Variants in GPC5 observed in about 807,000 individuals in gnomAD.
GPC5 encodes the protein glypican 5, also known as glypican-5.
A neutral mutation model predicts 53.9 loss-of-function variants in GPC5; 47 were observed. The ratio of observed to expected loss-of-function variants is 0.87; its 90% CI spans 0.69 to 1.11. GPC5 has a LOEUF of 1.11. GPC5 is among the 50% of genes most tolerant of loss of function. The pLI is 0.00. For missense variants in GPC5, 748 were observed against 713.1 expected, an observed-to-expected ratio of 1.05 and a Z score of -0.56; for synonymous variants, 286 against 263.3, an observed-to-expected ratio of 1.09 and a Z score of -0.84.
intron 7 of GPC5, among the ~76,000 whole-genome samples, chr13:92,718,370 C>CA (rs1223225842): frequency 6.6e-6 from 1 of 151,980 alleles, no homozygotes; most frequent in African/African-American, 2.4e-5. Flanking sequence ...CATTCAGCCA[C>CA]AAAAAGAATG....
intron 7 of GPC5, among the ~76,000 whole-genome samples, chr13:92,751,212 G>GT (rs780554388): frequency 4.5e-5 from 6 of 134,670 alleles, no homozygotes; most frequent in Non-Finnish European, 7.8e-5. Flanking sequence ...AAAGAAAATT[G>GT]TTTTTTGCCT....
At chr13:91,570,642 G>A (rs1037129759) in intron 2 of GPC5, among the ~76,000 whole-genome samples, 1 of 152,108 alleles carries the variant, frequency 6.6e-6, no homozygotes, top group Non-Finnish European at 1.5e-5. Context: ...AATTCCTTTA[G>A]TTAGTAAATG....
chr13:91,920,475 A>T (rs1286370805), intron 6 of GPC5, among the ~76,000 whole-genome samples: 4 of 152,230 alleles, frequency 2.6e-5, no homozygotes, highest in African/African-American at 9.6e-5. Context: ...GAATGAATTT[A>T]TCAAGTAAGT....
chr13:92,599,754 C>G (rs367692938), intron 7 of GPC5, among the ~76,000 whole-genome samples: 6 of 151,874 alleles, frequency 4.0e-5, no homozygotes, highest in Non-Finnish European at 5.9e-5. Flanking sequence ...AAGGAAGGAG[C>G]CTTCACTAAT....
chr13:92,754,688 T>A (rs1352491248), intron 7 of GPC5, among the ~76,000 whole-genome samples: 2 of 151,512 alleles, frequency 1.3e-5, no homozygotes, highest in Non-Finnish European at 2.9e-5. Flanking sequence ...TCCTAGTCTC[T>A]GATAAAACAG....
chr13:92,002,064 G>A (rs559221082), intron 6 of GPC5, among the ~76,000 whole-genome samples: 4 of 151,902 alleles, frequency 2.6e-5, no homozygotes, highest in South Asian at 4.2e-4. Flanking sequence ...CATGAGAGGC[G>A]GTAATTTTTC....
chr13:91,572,965 C>T (rs76882186), intron 2 of GPC5, among the ~76,000 whole-genome samples: 14,654 of 152,044 alleles, frequency 0.096, 808 homozygotes, highest in South Asian at 0.32. Flanking sequence ...AAAGGCATAC[C>T]GGAGAAAAGG....
intron 6 of GPC5, among the ~76,000 whole-genome samples, chr13:92,051,225 C>T (rs1400747311): frequency 4.4e-5 from 5 of 114,100 alleles, no homozygotes; most frequent in African/African-American, 1.7e-4. Flanking sequence ...TTTTTTGAGA[C>T]GGAGTCTCGC....
chr13:92,212,126 A>C (rs1034923798), intron 7 of GPC5, among the ~76,000 whole-genome samples: 1 of 151,896 alleles, frequency 6.6e-6, no homozygotes, highest in Non-Finnish European at 1.5e-5. Context: ...GCAATTTTAG[A>C]TGAGATGGCC....
At chr13:91,626,063 G>C (rs1238821670) in intron 2 of GPC5, among the ~76,000 whole-genome samples, 1 of 151,986 alleles carries the variant, frequency 6.6e-6, no homozygotes, top group Admixed American at 6.6e-5. Flanking sequence ...ACAATATCTG[G>C]TTTTCTAAGA....
intron 7 of GPC5, among the ~76,000 whole-genome samples, chr13:92,201,707 GA>G (rs1274886810): frequency 6.6e-6 from 1 of 152,112 alleles, no homozygotes; most frequent in Non-Finnish European, 1.5e-5. Context: ...GAGATTGCTA[GA>G]TGTCTTGAAA....
At chr13:91,754,474 C>A (rs60753954) in intron 4 of GPC5, among the ~76,000 whole-genome samples, 15,997 of 151,996 alleles carry the variant, frequency 0.11, 1,030 homozygotes, top group East Asian at 0.33. Context: ...CTTGTGCTAT[C>A]CACCAAGACT....
At chr13:92,648,912 C>A (rs1344196071) in intron 7 of GPC5, among the ~76,000 whole-genome samples, 2 of 152,034 alleles carry the variant, frequency 1.3e-5, no homozygotes, top group Non-Finnish European at 2.9e-5. Flanking sequence ...AATAGGAGTG[C>A]CTTCTCATGG....
intron 7 of GPC5, among the ~76,000 whole-genome samples, chr13:92,306,627 G>A (rs762511283): frequency 6.6e-6 from 1 of 152,098 alleles, no homozygotes; most frequent in Non-Finnish European, 1.5e-5. Context: ...GGCCCCAGAG[G>A]GCCTTACCTA....
In GPC5 at chr13:91,770,150, A is replaced by G. The variant is rs141449292; in HGVS notation, c.1280+13730A>G. 3.3e-3 allele frequency among the ~76,000 whole-genome samples: 509 copies of G among 152,296 alleles called. 3 individuals carry two copies. The highest frequency in any genetic ancestry group is 0.012 in the African/African-American group (488 of 41,564). Reference sequence around the variant, plus strand: ...TTTACTCTTTTATTATAAAGGATGCAATTCATGAACAGCCAAAGGGAATAA... The same window carrying G: ...TTTACTCTTTTATTATAAAGGATGCGATTCATGAACAGCCAAAGGGAATAA... On this transcript the variant is annotated intron_variant, in intron 5 of 7. Transcript: ENST00000377067.
chr13:92,681,777 G>T (rs1887117824), intron 7 of GPC5, among the ~76,000 whole-genome samples: 1 of 151,952 alleles, frequency 6.6e-6, no homozygotes, highest in South Asian at 2.1e-4. Flanking sequence ...CCTTAACTTT[G>T]CTCACAATGT....
chr13:92,734,057 C>CT (rs1888875997), intron 7 of GPC5, among the ~76,000 whole-genome samples: 1 of 151,898 alleles, frequency 6.6e-6, no homozygotes, highest in Admixed American at 6.6e-5. Flanking sequence ...CTTTATATCT[C>CT]TAACTAAATC....
chr13:92,236,765 T>G (rs2139108963), intron 7 of GPC5, among the ~76,000 whole-genome samples: 1 of 152,286 alleles, frequency 6.6e-6, no homozygotes, highest in South Asian at 2.1e-4. Context: ...CTCAAGTGTT[T>G]ATAATAAAAT....
At chr13:92,058,745 G>T (rs9523492) in intron 6 of GPC5, among the ~76,000 whole-genome samples, 1 of 151,604 alleles carries the variant, frequency 6.6e-6, no homozygotes, top group Admixed American at 6.6e-5. Flanking sequence ...GGTTTTGCCA[G>T]GTTGCCCAAG....
Sources: gnomAD v4.1 joint callset for allele counts (sites outside exome capture counted in the v4.1 genomes callset) on GRCh38, gnomAD v4.1.1 for gene constraint, MANE v1.5 for transcripts, NCBI Gene and HGNC (gene_info 2026-07-23, HGNC 2026-07-21) for gene names.